SLC23A3: variants seen among roughly 807,000 people sequenced by gnomAD.
SLC23A3 encodes solute carrier family 23 member 3.
A neutral mutation model predicts 64.7 loss-of-function variants in SLC23A3; 41 were observed. That is an observed-to-expected ratio of 0.63 (90% CI 0.49 to 0.82). SLC23A3 has a LOEUF of 0.82. SLC23A3 is among the 40% of genes least tolerant of loss of function. SLC23A3 has a pLI of 0.00. For synonymous variants in SLC23A3, 281 were observed against 306.8 expected (o/e 0.92, Z 0.88); for missense variants, 647 against 733.4 (o/e 0.88, Z 1.36).
Position 219,169,999 on chromosome 2 carries a change from C to T in SLC23A3, c.-15G>A, listed in dbSNP as rs757030323. 2.1e-5 allele frequency: 34 copies of T among 1,612,690 alleles called. No homozygotes were observed. In the East Asian group the frequency reaches 2.5e-4, roughly 12 times the overall value. ...GATCGGCTCATGCTGCCTTGCCTTTCGCTTTGTCTTGGCTGCCCGGGACCA... is the reference window on the plus strand; with the variant it reads ...GATCGGCTCATGCTGCCTTGCCTTTTGCTTTGTCTTGGCTGCCCGGGACCA... On this transcript the variant is annotated 5_prime_UTR_variant, in exon 1 of 12. Coordinates refer to ENST00000409878, the MANE Select transcript of SLC23A3 (RefSeq NM_001144889.2). The surrounding 1 kb of genome is among the most constrained non-coding windows in gnomAD (Gnocchi z 4.5).
rs1217976475 is a variant in SLC23A3, at chr2:219,162,326, C to G, written c.1510G>C (p.Gly504Arg). The change falls in exon 11 of 12, where the codon GGC (glycine) becomes CGC (arginine). Residue 504 changes from glycine to arginine, a missense_variant. Gly to Arg is a moderately radical substitution (Grantham distance 125). Coordinates refer to ENST00000409878, the MANE Select transcript of SLC23A3 (RefSeq NM_001144889.2). ...GGAATCGTGTTCTCTAGTAGGAAGC[C>G]TGAGAGTCCAGCCAGGAAGATGGGC... is the stretch of plus-strand genomic sequence containing the variant. ...TQPIFLAGLS[G>R]FLLENTIPGT... is the part of the protein sequence containing the mutation. 6.2e-7 allele frequency: 1 copy of G among 1,614,126 alleles called. No homozygotes were observed. Among genetic ancestry groups the G allele is most frequent in the Admixed American group, 1.7e-5 (1 of 60,022 alleles).
intron 10 of SLC23A3, 32 bp from the exon 11 acceptor site, chr2:219,162,426 ACT>A (rs772675502): frequency 7.9e-5 from 121 of 1,540,194 alleles, no homozygotes; most frequent in Non-Finnish European, 1.0e-4. Flanking sequence ...CAGGAAGGGA[ACT>A]CTGATCCTAT....
chr2:219,165,359 G>C lies in SLC23A3; in HGVS notation c.977C>G (p.Ala326Gly). 1 of 1,551,350 alleles carries C rather than the reference G, an allele frequency of 6.4e-7. No individual in the cohort carries two copies. The highest frequency in any genetic ancestry group is 8.7e-7 in the Non-Finnish European group (1 of 1,146,900). ...GCAGCCCAGGGAACTGGTGGAGGCT[G>C]CCAAGGCCATGGAGATGCCTGCAGC... ...ALAAGISMALAASTSSLGCYA... is the reference protein window; with the variant it reads ...ALAAGISMALGASTSSLGCYA... Residue 326 changes from alanine (A) to glycine (G), a missense_variant, in exon 8 of 12, where the codon GCA (alanine) becomes GGA (glycine). By Grantham distance (60) the Ala-to-Gly change is moderately conservative. Coordinates refer to ENST00000409878, the MANE Select transcript of SLC23A3 (RefSeq NM_001144889.2).
intron 8 of SLC23A3, 72 bp downstream of exon 8, chr2:219,165,097 C>T (rs866299102): frequency 1.0e-5 from 15 of 1,499,276 alleles, no homozygotes; most frequent in Middle Eastern, 1.7e-4. Context: ...GGCAATCAAT[C>T]GGTGTAAGTT....
intron 7 of SLC23A3, 21 bp downstream of exon 7, chr2:219,167,909 G>A (rs988408963): frequency 6.6e-7 from 1 of 1,520,536 alleles, no homozygotes; most frequent in African/African-American, 1.4e-5. Flanking sequence ...CAAGAGAATG[G>A]AGGACTAGGA....
At position 219,167,931 on chromosome 2, in the gene SLC23A3, T is replaced by G. The variant is rs754359648; in HGVS notation, c.912A>C (p.Pro304=). The G allele has an allele frequency of 3.2e-6, 5 of 1,580,896 alleles. No individual in the cohort carries two copies. Among genetic ancestry groups the G allele is most frequent in the East Asian group, 2.3e-5 (1 of 44,370 alleles). The change falls in exon 7 of 12, where the codon CCA becomes CCC. Residue 304 remains proline, a splice_region_variant and synonymous_variant. Transcript: ENST00000409878. ...TKAPWIWLPH[P]GEWNWPLLTP... ...ATGGAGGACTAGGAGAAAACCTACC[T>G]GGGTGAGGCAGCCAAATCCATGGTG...
Position 219,169,955 on chromosome 2 carries a change from T to G in SLC23A3, c.30A>C (p.Gln10His), listed in dbSNP as rs1248136990. The part of the protein sequence containing the change: MSRSPLNPS[Q>H]LRSVGSQDAL... The stretch of plus-strand genomic sequence containing the variant: ...CATCCTGGGAGCCCACTGATCGGAG[T>G]TGGCTGGGATTGAGGGGTGATCGGC... The change falls in exon 1 of 12, where the codon CAA becomes CAC. Residue 10 changes from glutamine to histidine, a missense_variant. Transcript: ENST00000409878. This position sits in a 1 kb window ranked among gnomAD's most constrained non-coding sequence, Gnocchi z 4.5. The G allele has an allele frequency of 5.6e-6, 9 of 1,613,172 alleles. No homozygotes were observed. The highest frequency in any genetic ancestry group is 7.6e-6 in the Non-Finnish European group (9 of 1,179,786).
In SLC23A3 at chr2:219,162,158, G is replaced by T; in HGVS notation, c.1584C>A (p.Phe528Leu). The T allele has an allele frequency of 6.2e-7, 1 of 1,613,300 alleles. No homozygotes were observed. Among genetic ancestry groups the T allele is most frequent in the Non-Finnish European group, 8.5e-7 (1 of 1,179,478 alleles). ...GAGGCATTCGAGCCTCTTGGGCAGT[G>T]AAAGGAGATGGTAGCCCTTGACCTA... ...RGLGQGLPSP[F>L]TAQEARMPQK... is the part of the protein sequence containing the mutation. Residue 528 changes from phenylalanine (F) to leucine (L), a missense_variant, in exon 12 of 12, where the codon TTC (phenylalanine) becomes TTA (leucine). Physicochemically the swap from Phe to Leu is conservative, Grantham distance 22 (BLOSUM62 0). Transcript: ENST00000409878.
intron 6 of SLC23A3, 56 bp downstream of exon 6, chr2:219,168,139 G>C: frequency 3.1e-6 from 5 of 1,597,726 alleles, no homozygotes; most frequent in Non-Finnish European, 4.3e-6. Context: ...GGGATGGAGT[G>C]AGCACTCCAG....
rs779176391 is a variant in SLC23A3 at position 219,164,357 on chromosome 2, C to T, written c.1168-19G>A. The T allele has an allele frequency of 6.6e-7, 1 of 1,518,796 alleles. No individual in the cohort carries two copies. The highest frequency in any genetic ancestry group is 9.0e-7 in the Non-Finnish European group (1 of 1,111,600). 94.1% of individuals were successfully genotyped at this position (1,518,796 alleles called of 1,614,324 possible). On this transcript the variant is annotated intron_variant, in intron 8 of 11. Transcript: ENST00000409878. ...ATCCAGCCTGCATGAAGAAAAGACACTGGAAAACACAGCCACTTCCTCAGA... is the reference window on the plus strand; with the variant it reads ...ATCCAGCCTGCATGAAGAAAAGACATTGGAAAACACAGCCACTTCCTCAGA...
Position 219,165,428 on chromosome 2 carries a change from G to T in SLC23A3, c.914-6C>A. 1.9e-6 allele frequency: 3 copies of T among 1,543,420 alleles called. No individual in the cohort carries two copies. The highest frequency in any genetic ancestry group is 1.2e-5 in the South Asian group (1 of 82,990). ...CAAAGGCCAATTCCACTCACCTGGG[G>T]AGGGAGAAGAAGCCACTTTGGGGCC... On this transcript the variant is annotated splice_polypyrimidine_tract_variant and splice_region_variant and intron_variant, in intron 7 of 11. Transcript: ENST00000409878.
Position 219,169,405 on chromosome 2 carries a change from G to A in SLC23A3, c.322C>T (p.Leu108=), listed in dbSNP as rs1169609478. 3 of 1,614,204 alleles carry A rather than the reference G, an allele frequency of 1.9e-6. No homozygotes were observed. In the South Asian group the frequency reaches 3.3e-5, roughly 18 times the overall value. Residue 108 remains leucine, a splice_region_variant and synonymous_variant, in exon 3 of 12, where the codon CTG becomes TTG. Coordinates refer to ENST00000409878, the MANE Select transcript of SLC23A3 (RefSeq NM_001144889.2). This position sits in a 1 kb window ranked among gnomAD's most constrained non-coding sequence, Gnocchi z 4.5. ...TILQTWMGSR[L]PLVQAPSLEF... ...AAGGATGGAGCCTGGACAAGAGGCA[G>A]CCTGTAGGAACAGCAGCCCCAGCAG... is the stretch of plus-strand genomic sequence containing the variant.
chr2:219,161,765 C>T lies in SLC23A3; in HGVS notation c.*144G>A, dbSNP rs1052994659. On this transcript the variant is annotated 3_prime_UTR_variant, in exon 12 of 12. Coordinates refer to ENST00000409878, the MANE Select transcript of SLC23A3 (RefSeq NM_001144889.2). The stretch of plus-strand genomic sequence containing the variant: ...TTAAGACAAGGAAAGGCAACCCACC[C>T]TATTGGGAAATGGAACCTCTAGACA... 1.2e-5 allele frequency: 10 copies of T among 849,718 alleles called. No homozygotes were observed. The allele number at this position is 849,718 out of a possible 1,614,324, so 52.6% of individuals were successfully genotyped here.
At position 219,165,337 on chromosome 2, in the gene SLC23A3, G is replaced by A. The variant is rs1238828299; in HGVS notation, c.999C>T (p.Gly333=). The part of the protein sequence containing the change: ...MALAASTSSL[G]CYALCGRLLH... ...GCAGCCGGCCACACAGGGCATAGCA[G>A]CCCAGGGAACTGGTGGAGGCTGCCA... The change falls in exon 8 of 12, where the codon GGC becomes GGT. Residue 333 remains glycine (G), a synonymous_variant. Transcript: ENST00000409878. 3.2e-6 allele frequency: 5 copies of A among 1,551,436 alleles called. No homozygotes were observed. The highest frequency in any genetic ancestry group is 3.5e-6 in the Non-Finnish European group (4 of 1,146,938).
In SLC23A3 at chr2:219,161,687, A is replaced by G. The variant is rs925986228; in HGVS notation, c.*222T>C. On this transcript the variant is annotated 3_prime_UTR_variant, in exon 12 of 12. Transcript: ENST00000409878. Reference sequence around the variant, plus strand: ...TTGATAGTACACAGGCAAAATCTCAATCATTCATGGTCCACTAAATCATGG... The same window carrying G: ...TTGATAGTACACAGGCAAAATCTCAGTCATTCATGGTCCACTAAATCATGG... 5 of 437,298 alleles carry G rather than the reference A, an allele frequency of 1.1e-5. No homozygotes were observed. Among genetic ancestry groups the G allele is most frequent in the African/African-American group, 5.9e-5 (3 of 51,102 alleles). 27.1% of individuals were successfully genotyped at this position (437,298 alleles called of 1,614,324 possible).
At chr2:219,164,452 A>G in intron 8 of SLC23A3, 114 bp from the exon 9 acceptor site, 1 of 709,452 alleles carries the variant, frequency 1.4e-6, no homozygotes, top group Non-Finnish European at 2.4e-6. Flanking sequence ...TACTCTTCCA[A>G]GAAGCCTTCC....
Position 219,162,068 on chromosome 2 carries a change from G to A in SLC23A3, c.1674C>T (p.Pro558=). The change falls in exon 12 of 12, where the codon CCC becomes CCT. Residue 558 remains proline, a synonymous_variant. Transcript: ENST00000409878. ...RLPFPIQNLC[P]CIPQPLHCLC... is the part of the protein sequence containing the mutation. ...GGCAGTGGAGAGGCTGGGGGATGCA[G>A]GGACAGAGGTTTTGGATGGGGAAAG... The A allele has an allele frequency of 6.2e-7, 1 of 1,614,196 alleles. No individual in the cohort carries two copies. The highest frequency in any genetic ancestry group is 8.5e-7 in the Non-Finnish European group (1 of 1,180,042).
Position 219,164,025 on chromosome 2 carries a change from GGAAGCCCA to G in SLC23A3, c.1273+200_1273+207del, listed in dbSNP as rs201441585. Among the ~76,000 whole-genome samples, 34 of 152,298 alleles carry G rather than the reference GGAAGCCCA, an allele frequency of 2.2e-4. No homozygotes were observed. In the East Asian group the frequency reaches 5.2e-3, roughly 23 times the overall value. ...CCTGAGGCTGATTTCTGATTCTTCA[GGAAGCCCA>G]GAAGCCCAATCAAGAGAAGACCAAA... is the stretch of plus-strand genomic sequence containing the variant. On this transcript the variant is annotated intron_variant, in intron 9 of 11. Coordinates refer to ENST00000409878, the MANE Select transcript of SLC23A3 (RefSeq NM_001144889.2).
rs1574758359 is a variant in SLC23A3, at chr2:219,164,833, A to G, written c.1167+336T>C. On this transcript the variant is annotated intron_variant, in intron 8 of 11. Transcript: ENST00000409878. ...CTCAGCCTCCCCACGTGCTAGGATT[A>G]CAGGTGTGAGCCACCATGCCTGGCC... The G allele has an allele frequency of 3.8e-5, 13 of 339,078 alleles. No individual in the cohort carries two copies. The East Asian group carries it at 1.0e-3, about 26-fold the overall frequency. 21.0% of individuals were successfully genotyped at this position (339,078 alleles called of 1,614,324 possible). A position where few individuals can be genotyped will look rare whatever the true frequency, so the allele number is the denominator to read the frequency against.
Sources: allele counts gnomAD v4.1 joint callset (sites outside exome capture counted in the v4.1 genomes callset), GRCh38; gene constraint gnomAD v4.1.1; non-coding constraint Gnocchi (gnomAD v3.1); transcripts MANE v1.5; gene names NCBI Gene and HGNC (gene_info 2026-07-23, HGNC 2026-07-21).